Variants in CGGBP1 observed in about 807,000 individuals in gnomAD.
CGGBP1 encodes CGG triplet repeat binding protein 1, also known as CGG triplet repeat-binding protein 1.
CGGBP1 carries 4 observed loss-of-function variants against 11.4 expected under a neutral mutation model. The ratio of observed to expected loss-of-function variants is 0.35; its 90% CI spans 0.17 to 0.80. CGGBP1 has a LOEUF of 0.80. CGGBP1 is among the 30% of genes least tolerant of loss of function. CGGBP1 has a pLI of 0.52. For missense variants in CGGBP1, 135 were observed against 202.1 expected, an observed-to-expected ratio of 0.67 and a Z score of 2.01; for synonymous variants, 76 against 74.1, an observed-to-expected ratio of 1.03 and a Z score of -0.13.
At chr3:88,143,770 A>T (rs1190835142) in intron 1 of CGGBP1, 1 of 152,092 alleles carries the variant, frequency 6.6e-6, no homozygotes, top group Non-Finnish European at 1.5e-5. Flanking sequence ...ACTGGTTTAT[A>T]TATAACTAAA....
intron 2 of CGGBP1, chr3:88,135,061 G>T: frequency 7.2e-7 from 1 of 1,397,084 alleles, no homozygotes; most frequent in Non-Finnish European, 9.3e-7. Flanking sequence ...TCATTTACAG[G>T]GAGTTGATTT....
At chr3:88,114,579 C>G (rs1705279344) in intron 2 of CGGBP1, among the ~76,000 whole-genome samples, 1 of 152,148 alleles carries the variant, frequency 6.6e-6, no homozygotes, top group Non-Finnish European at 1.5e-5. Flanking sequence ...TACTACCTGC[C>G]TCCCCCAGCC....
At position 88,123,963 on chromosome 3, in the gene CGGBP1, A is replaced by G. The variant is rs570350090; in HGVS notation, c.-229+17007T>C. On this transcript the variant is annotated intron_variant, in intron 2 of 3. Transcript: ENST00000462901. The stretch of plus-strand genomic sequence containing the variant: ...GTTTTAACCCATGAAGCTGTTCCCA[A>G]GAATCATTACAGTGTTCCATGTATG... 2.3e-3 allele frequency among the ~76,000 whole-genome samples: 346 copies of G among 152,314 alleles called. 2 individuals carry two copies. The highest frequency in any genetic ancestry group is 0.01 in the Middle Eastern group (3 of 294).
intron 2 of CGGBP1, among the ~76,000 whole-genome samples, chr3:88,093,051 T>G (rs2107684817): frequency 6.6e-6 from 1 of 152,336 alleles, no homozygotes; most frequent in East Asian, 1.9e-4. Flanking sequence ...GGGTTGACTA[T>G]CCTTATAAGA....
intron 1 of CGGBP1, among the ~76,000 whole-genome samples, chr3:88,148,396 A>G (rs1333471320): frequency 3.3e-5 from 5 of 152,212 alleles, no homozygotes; most frequent in Admixed American, 1.3e-4. Flanking sequence ...CCATACCAAC[A>G]TATTTTAGCA....
chr3:88,137,201 A>AT (rs1327010816), intron 2 of CGGBP1, among the ~76,000 whole-genome samples: 10 of 150,836 alleles, frequency 6.6e-5, no homozygotes, highest in Admixed American at 4.6e-4. Context: ...TCTCAAAAAA[A>AT]AAAAAAAAAA....
intron 2 of CGGBP1, among the ~76,000 whole-genome samples, chr3:88,108,704 T>G (rs1704897461): frequency 6.6e-6 from 1 of 152,146 alleles, no homozygotes; most frequent in Admixed American, 6.5e-5. Flanking sequence ...AGTGCTTGTG[T>G]TCAGGTAACC....
At chr3:88,144,306 A>G (rs1707256224) in intron 1 of CGGBP1, 1 of 152,328 alleles carries the variant, frequency 6.6e-6, no homozygotes, top group Non-Finnish European at 1.5e-5. Flanking sequence ...AATCACACTG[A>G]AGGTTCAGCC....
intron 2 of CGGBP1, among the ~76,000 whole-genome samples, chr3:88,089,571 A>G (rs1333061575): frequency 6.6e-6 from 1 of 152,166 alleles, no homozygotes; most frequent in African/African-American, 2.4e-5. Flanking sequence ...TTCTGAATCT[A>G]GAGAATAAAA....
intron 2 of CGGBP1, among the ~76,000 whole-genome samples, chr3:88,115,451 A>AT (rs781637286): frequency 1.5e-4 from 23 of 152,364 alleles, no homozygotes; most frequent in Admixed American, 6.5e-4. Flanking sequence ...GCTTGGCATA[A>AT]TTCCTGGCAA....
chr3:88,077,894 C>G (rs1707898543), intron 2 of CGGBP1, among the ~76,000 whole-genome samples: 2 of 152,102 alleles, frequency 1.3e-5, no homozygotes, highest in Admixed American at 6.5e-5. Context: ...TGTAGCTTCA[C>G]TGTATTTCAT....
At chr3:88,136,327 A>T (rs1706782155) in intron 2 of CGGBP1, among the ~76,000 whole-genome samples, 1 of 152,210 alleles carries the variant, frequency 6.6e-6, no homozygotes, top group Admixed American at 6.5e-5. Flanking sequence ...CTGCAAATAT[A>T]TTATAAAAGG....
upstream of CGGBP1, among the ~76,000 whole-genome samples, chr3:88,060,473 A>G (rs1706810263): frequency 6.6e-6 from 1 of 152,102 alleles, no homozygotes; most frequent in East Asian, 1.9e-4. Flanking sequence ...TTTGCAAGCT[A>G]TTTTGGGGAA....
At chr3:88,113,083 A>G (rs1705192394) in intron 2 of CGGBP1, 1 of 1,382,886 alleles carries the variant, frequency 7.2e-7, no homozygotes, top group Non-Finnish European at 9.8e-7. Flanking sequence ...AACTCAAAGA[A>G]GCAATGAAAG....
intron 2 of CGGBP1, among the ~76,000 whole-genome samples, chr3:88,070,978 C>G (rs772668893): frequency 6.6e-6 from 1 of 151,996 alleles, no homozygotes; most frequent in Non-Finnish European, 1.5e-5. Context: ...AAAACATAAT[C>G]AAGCTGAGGG....
chr3:88,076,640 GTGTT>G (rs1208372254), intron 2 of CGGBP1, among the ~76,000 whole-genome samples: 1 of 152,030 alleles, frequency 6.6e-6, no homozygotes, highest in Non-Finnish European at 1.5e-5. Context: ...CCTAGAGTTG[GTGTT>G]TGTTCATCTG....
intron 2 of CGGBP1, chr3:88,129,668 T>C: frequency 7.1e-7 from 1 of 1,409,006 alleles, no homozygotes; most frequent in Non-Finnish European, 9.3e-7. Context: ...ATGAACTGAT[T>C]TCTCTTTTCC....
At chr3:88,075,086 A>C (rs1307767536) in intron 2 of CGGBP1, among the ~76,000 whole-genome samples, 1 of 152,158 alleles carries the variant, frequency 6.6e-6, no homozygotes, top group Non-Finnish European at 1.5e-5. Flanking sequence ...AGCCCCAGGT[A>C]CCTCATCTTA....
chr3:88,080,943 AT>A (rs1559696461), intron 2 of CGGBP1, among the ~76,000 whole-genome samples: 1 of 152,212 alleles, frequency 6.6e-6, no homozygotes, highest in Non-Finnish European at 1.5e-5. Flanking sequence ...AAATTTTTCC[AT>A]TGATGTTCTT....
Sources: allele counts gnomAD v4.1 joint callset (sites outside exome capture counted in the v4.1 genomes callset), GRCh38; gene constraint gnomAD v4.1.1; transcripts MANE v1.5; gene names NCBI Gene and HGNC (gene_info 2026-07-23, HGNC 2026-07-21).